The following PARG variants were observed in gnomAD, a reference collection of about 807,000 sequenced individuals.
PARG encodes mitochondrial poly(ADP-ribose) glycohydrolase.
A neutral mutation model predicts 113.0 loss-of-function variants in PARG; 35 were observed. The observed-to-expected ratio is 0.31, with a 90% CI of 0.24 to 0.41. The LOEUF is 0.41. PARG is among the 10% of genes least tolerant of loss of function. The probability of loss-of-function intolerance (pLI) is 1.00; values close to 1 mark genes in which losing one functional copy is unlikely to be tolerated. For missense variants in PARG, 797 were observed against 1,169.4 expected, an observed-to-expected ratio of 0.68 and a Z score of 4.64; for synonymous variants, 330 against 409.9, an observed-to-expected ratio of 0.81 and a Z score of 2.36.
At chr10:49,927,284 C>T (rs1400399287) in intron 4 of PARG, among the ~76,000 whole-genome samples, 1 of 146,294 alleles carries the variant, frequency 6.8e-6, no homozygotes. Context: ...TCCAGCCTGG[C>T]GACAGAGCAA....
intron 7 of PARG, among the ~76,000 whole-genome samples, chr10:49,903,122 C>A (rs1335125662): frequency 1.4e-4 from 21 of 151,582 alleles, no homozygotes; most frequent in African/African-American, 2.4e-4. Context: ...CCACCATGCC[C>A]GGCCAAAAAA....
At chr10:49,839,232 G>A (rs1845105218) in intron 15 of PARG, among the ~76,000 whole-genome samples, 1 of 151,992 alleles carries the variant, frequency 6.6e-6, no homozygotes, top group South Asian at 2.1e-4. Flanking sequence ...AGCTACTTGG[G>A]AGGCTGAAGC....
chr10:49,897,056 G>T (rs1554842930), intron 7 of PARG, among the ~76,000 whole-genome samples: 1 of 152,040 alleles, frequency 6.6e-6, no homozygotes, highest in African/African-American at 2.4e-5. Context: ...CTAGAATATA[G>T]CATACTTGAG....
chr10:49,892,069 T>C (rs1357952123), intron 7 of PARG, among the ~76,000 whole-genome samples: 1 of 152,000 alleles, frequency 6.6e-6, no homozygotes, highest in Non-Finnish European at 1.5e-5. Flanking sequence ...GGTGGGTGGA[T>C]CAACTATGTT....
intron 1 of PARG, among the ~76,000 whole-genome samples, chr10:49,937,347 G>T (rs2132999095): frequency 6.6e-6 from 1 of 152,116 alleles, no homozygotes; most frequent in African/African-American, 2.4e-5. Context: ...GTGGTGGCGG[G>T]CGCCTGTAGT....
chr10:49,932,587 T>C (rs1449612258), intron 3 of PARG, among the ~76,000 whole-genome samples: 6 of 152,164 alleles, frequency 3.9e-5, no homozygotes, highest in African/African-American at 1.2e-4. Context: ...GAACTCACTA[T>C]TGCATGCTGA....
At chr10:49,888,050 T>C (rs1199081355) in intron 7 of PARG, among the ~76,000 whole-genome samples, 1 of 152,182 alleles carries the variant, frequency 6.6e-6, no homozygotes, top group South Asian at 2.1e-4. Flanking sequence ...GATTTTTTTT[T>C]AAAGTAGCTG....
chr10:49,862,771 A>G (rs1846315038), intron 11 of PARG, among the ~76,000 whole-genome samples: 1 of 151,830 alleles, frequency 6.6e-6, no homozygotes, highest in South Asian at 2.1e-4. Context: ...AGTATGCTAC[A>G]CTTTTAGAAA....
intron 5 of PARG, 24 bp from the exon 6 acceptor site, chr10:49,922,443 T>G (rs533239783): frequency 6.2e-7 from 1 of 1,609,660 alleles, no homozygotes; most frequent in African/African-American, 1.3e-5. Flanking sequence ...GAAAAACATA[T>G]GAGGAAGCTA....
chr10:49,830,522 C>G (rs782646060), intron 16 of PARG, among the ~76,000 whole-genome samples: 3 of 151,994 alleles, frequency 2.0e-5, no homozygotes, highest in Admixed American at 6.6e-5. Context: ...AATGAAGAAG[C>G]AGAAAAATGT....
intron 13 of PARG, among the ~76,000 whole-genome samples, chr10:49,850,944 AT>A: frequency 6.6e-6 from 1 of 152,164 alleles, no homozygotes; most frequent in East Asian, 1.9e-4. Flanking sequence ...TAAAATTTAA[AT>A]TAATGAACTA....
intron 14 of PARG, among the ~76,000 whole-genome samples, chr10:49,843,304 C>T (rs1845335975): frequency 6.6e-6 from 1 of 152,236 alleles, no homozygotes; most frequent in Non-Finnish European, 1.5e-5. Flanking sequence ...AGGTAAAGAA[C>T]TGTAGAGAAT....
intron 7 of PARG, among the ~76,000 whole-genome samples, chr10:49,905,977 G>A (rs527890698): frequency 2.5e-4 from 38 of 149,890 alleles, no homozygotes; most frequent in African/African-American, 8.1e-4. Context: ...CAACTGAACC[G>A]AAGTTGCCCA....
intron 6 of PARG, among the ~76,000 whole-genome samples, chr10:49,917,152 T>C (rs1311521817): frequency 1.3e-5 from 2 of 152,144 alleles, no homozygotes; most frequent in African/African-American, 4.8e-5. Context: ...GAAAGAGTCT[T>C]TATTTTTCAC....
chr10:49,927,442 A>G (rs1838263133), intron 4 of PARG, among the ~76,000 whole-genome samples: 1 of 151,634 alleles, frequency 6.6e-6, no homozygotes, highest in South Asian at 2.1e-4. Context: ...TGAGTCATCT[A>G]TATAGGTGAT....
At chr10:49,920,553 C>CGT (rs1564658733) in intron 6 of PARG, among the ~76,000 whole-genome samples, 99 of 115,962 alleles carry the variant, frequency 8.5e-4, no homozygotes, top group East Asian at 5.7e-3. Flanking sequence ...CATATATATA[C>CGT]ATATATACGT....
intron 4 of PARG, among the ~76,000 whole-genome samples, chr10:49,929,657 G>A (rs1251742994): frequency 1.3e-4 from 20 of 152,134 alleles, no homozygotes; most frequent in South Asian, 1.0e-3. Context: ...GAGAAACCCC[G>A]TCTCTACTAA....
chr10:49,849,183 G>A (rs547409011), intron 13 of PARG, among the ~76,000 whole-genome samples: 99 of 149,312 alleles, frequency 6.6e-4, no homozygotes, highest in Non-Finnish European at 5.4e-4. Flanking sequence ...CAACAAGAGC[G>A]AAACTCCGTC....
rs1160226842 is a variant in PARG at position 49,836,302 on chromosome 10, TACG to T, written c.2542-3397_2542-3395del. On this transcript the variant is annotated intron_variant, in intron 15 of 17. Coordinates refer to ENST00000616448, the MANE Select transcript of PARG (RefSeq NM_003631.5). ...AGGTTTTTAGTATTCTCTGATTTCTTACGACTTTTTTTTTTTTTTTTTTTTTTT... is the reference window on the plus strand; with the variant it reads ...AGGTTTTTAGTATTCTCTGATTTCTTACTTTTTTTTTTTTTTTTTTTTTTT... Among the ~76,000 whole-genome samples, 9 of 137,176 alleles carry T rather than the reference TACG, an allele frequency of 6.6e-5. No homozygotes were observed. In the Admixed American group the frequency reaches 7.1e-4, roughly 11 times the overall value. The allele number at this position is 137,176 out of a possible 152,430, so 90.0% of individuals were successfully genotyped here. A position where few individuals can be genotyped will look rare whatever the true frequency, so the allele number is the denominator to read the frequency against.
Sources: allele counts gnomAD v4.1 joint callset (sites outside exome capture counted in the v4.1 genomes callset), GRCh38; gene constraint gnomAD v4.1.1; transcripts MANE v1.5; gene names NCBI Gene and HGNC (gene_info 2026-07-23, HGNC 2026-07-21).